TNC: variants seen among roughly 807,000 people sequenced by gnomAD.
TNC encodes the protein tenascin C, also known as tenascin.
Under a neutral mutation model 202.4 loss-of-function variants are expected in TNC, and 109 were observed. That is an observed-to-expected ratio of 0.54 (90% CI 0.46 to 0.63). The LOEUF (loss-of-function observed/expected upper bound fraction) is 0.63. Ranked by LOEUF, TNC falls within the 30% of genes least tolerant of loss-of-function variation. The probability of loss-of-function intolerance (pLI) is 0.00; values close to 1 mark genes in which losing one functional copy is unlikely to be tolerated. For synonymous variants in TNC, 1,007 were observed against 1,089.7 expected (o/e 0.92, Z 1.50); for missense variants, 2,756 against 2,833.3 (o/e 0.97, Z 0.62).
chr9:115,046,509 C>G lies in TNC; in HGVS notation c.5026G>C (p.Asp1676His), dbSNP rs991375057. 1.2e-6 allele frequency: 2 copies of G among 1,614,098 alleles called. No individual in the cohort carries two copies. The highest frequency in any genetic ancestry group is 1.7e-6 in the Non-Finnish European group (2 of 1,179,994). ...ITLLAPERTR[D>H]ITGLREATEY... ...GTAGCCTCTCTGAGACCTGTTATGT[C>G]CCTGGTACGTTCGGGGGCAAGTAGG... The change falls in exon 17 of 28, where the codon GAC becomes CAC. Residue 1676 changes from aspartate (D) to histidine (H), a missense_variant. Asp to His is a moderately conservative substitution (Grantham distance 81). Coordinates refer to ENST00000350763, the MANE Select transcript of TNC (RefSeq NM_002160.4).
chr9:115,024,940 T>C (rs188251857), intron 26 of TNC, among the ~76,000 whole-genome samples: 1 of 152,258 alleles, frequency 6.6e-6, no homozygotes, highest in Non-Finnish European at 1.5e-5. Flanking sequence ...CATTCTACCG[T>C]CATAATTTGG....
intron 1 of TNC, among the ~76,000 whole-genome samples, chr9:115,093,856 C>T (rs1319229286): frequency 6.6e-6 from 1 of 152,068 alleles, no homozygotes; most frequent in East Asian, 1.9e-4. Flanking sequence ...CCAAATGTTG[C>T]ATCGTTGGGG....
chr9:115,057,066 C>T (rs1832179437), intron 15 of TNC, 87 bp downstream of exon 15: 8 of 1,472,306 alleles, frequency 5.4e-6, no homozygotes, highest in African/African-American at 1.4e-5. Flanking sequence ...GTGGCTTGTA[C>T]ATCAATGGGA....
At chr9:115,059,293 T>C (rs1018849377) in intron 14 of TNC, among the ~76,000 whole-genome samples, 2 of 152,154 alleles carry the variant, frequency 1.3e-5, no homozygotes, top group South Asian at 2.1e-4. Context: ...CCTTGAGGGA[T>C]TTAGAGATAG....
intron 22 of TNC, 135 bp from the exon 23 acceptor site, chr9:115,031,820 A>C (rs960839922): frequency 1.9e-6 from 2 of 1,063,034 alleles, no homozygotes; most frequent in Non-Finnish European, 2.7e-6. Context: ...TTGAGTACCC[A>C]CTCTCTACCA....
intron 6 of TNC, among the ~76,000 whole-genome samples, chr9:115,078,689 G>C (rs1834069956): frequency 6.6e-6 from 1 of 152,090 alleles, no homozygotes; most frequent in Non-Finnish European, 1.5e-5. Context: ...GCAATAGACT[G>C]TCTTGACAGT....
chr9:115,106,693 C>T (rs916562189), intron 1 of TNC, among the ~76,000 whole-genome samples: 1 of 152,062 alleles, frequency 6.6e-6, no homozygotes, highest in South Asian at 2.1e-4. Context: ...GATGGGGGAG[C>T]TAAAAATCTA....
intron 1 of TNC, 130 bp from the exon 2 acceptor site, chr9:115,091,284 C>A (rs1047582860): frequency 2.2e-6 from 1 of 446,654 alleles, no homozygotes; most frequent in Admixed American, 3.8e-5. Flanking sequence ...TCATTATATA[C>A]CCTTGAAATA....
chr9:115,048,392 C>G lies in TNC; in HGVS notation c.4720G>C (p.Glu1574Gln), dbSNP rs374568464. ...VDSGKLLDPQEFTLSGTQRKL... is the reference protein window; with the variant it reads ...VDSGKLLDPQQFTLSGTQRKL... ...CTCTGGGTTCCTGAAAGTGTGAATT[C>G]CTGGGGGTCCAGCAGCTTCCCAGAA... Residue 1574 changes from glutamate to glutamine, a missense_variant, in exon 16 of 28, where the codon GAA becomes CAA. Glu to Gln is a conservative substitution (Grantham distance 29, BLOSUM62 2). Transcript: ENST00000350763. The G allele has an allele frequency of 9.9e-6, 16 of 1,613,926 alleles. No individual in the cohort carries two copies. The African/African-American group carries it at 1.7e-4, about 18-fold the overall frequency.
intron 1 of TNC, chr9:115,112,692 G>A (rs140843470): frequency 2.5e-4 from 38 of 152,344 alleles, no homozygotes; most frequent in African/African-American, 8.9e-4. Flanking sequence ...TCTCCTTTGG[G>A]GACTGTGCTA....
intron 7 of TNC, 33 bp from the exon 8 acceptor site, chr9:115,076,608 T>C: frequency 6.2e-7 from 1 of 1,608,732 alleles, no homozygotes; most frequent in Non-Finnish European, 8.5e-7. Context: ...GTATTGAACA[T>C]ATCAGTCACA....
In TNC at chr9:115,059,727, T is replaced by C; in HGVS notation, c.4306+3A>G. On this transcript the variant is annotated splice_donor_region_variant and intron_variant, in intron 14 of 27. Coordinates refer to ENST00000350763, the MANE Select transcript of TNC (RefSeq NM_002160.4). ...AGAAAGCATTGACAGGGAGAGGAAGTACCTGTGGAGGCCTCAGCAGAGAGT... is the reference window on the plus strand; with the variant it reads ...AGAAAGCATTGACAGGGAGAGGAAGCACCTGTGGAGGCCTCAGCAGAGAGT... The C allele has an allele frequency of 1.3e-6, 2 of 1,579,196 alleles. No homozygotes were observed. Among genetic ancestry groups the C allele is most frequent in the Non-Finnish European group, 1.7e-6 (2 of 1,161,464 alleles).
rs57327715 is a variant in TNC, at chr9:115,087,527, G to GGT, written c.458-256_458-255dup. On this transcript the variant is annotated intron_variant, in intron 2 of 27. Transcript: ENST00000350763. ...AAAACAGTGTGTGATTATGCATAGGGGTGTGTGTGTGTGTGTGTGTGTGTG... is the reference window on the plus strand; with the variant it reads ...AAAACAGTGTGTGATTATGCATAGGGGTGTGTGTGTGTGTGTGTGTGTGTGTG... 5.3e-3 allele frequency among the ~76,000 whole-genome samples: 784 copies of GGT among 148,808 alleles called. 1 individual carries two copies. Among genetic ancestry groups the GGT allele is most frequent in the African/African-American group, 0.012 (478 of 40,362 alleles).
chr9:115,055,843 T>G (rs28491824), intron 15 of TNC: 16,047 of 152,306 alleles, frequency 0.11, 914 homozygotes, highest in Middle Eastern at 0.17. Flanking sequence ...TCCATAAAGT[T>G]TTAGACTTTA....
chr9:115,110,466 T>C (rs951547799), intron 1 of TNC, among the ~76,000 whole-genome samples: 15 of 151,876 alleles, frequency 9.9e-5, no homozygotes, highest in African/African-American at 1.9e-4. Context: ...ATCTGTGAGA[T>C]GCTAAGATCT....
At position 115,073,769 on chromosome 9, in the gene TNC, G is replaced by A. The variant is rs1236113745; in HGVS notation, c.3048C>T (p.Arg1016=). 1 of 1,614,154 alleles carries A rather than the reference G, an allele frequency of 6.2e-7. No individual in the cohort carries two copies. Among genetic ancestry groups the A allele is most frequent in the South Asian group, 1.1e-5 (1 of 91,088 alleles). The change falls in exon 10 of 28, where the codon CGC becomes CGT. Residue 1016 remains arginine (R), a synonymous_variant. Transcript: ENST00000350763. ...GGCCTGTGGGGAGACTGTAATTGAG[G>A]CGGTAGCGGTCAAATTTGGCCAACG... ...KTPLAKFDRY[R]LNYSLPTGQW...
At chr9:115,036,333 A>G in intron 20 of TNC, 92 bp from the exon 21 acceptor site, 1 of 1,402,696 alleles carries the variant, frequency 7.1e-7, no homozygotes, top group South Asian at 1.3e-5. Flanking sequence ...TCCTTCGAAC[A>G]TCGAAACTTT....
intron 1 of TNC, among the ~76,000 whole-genome samples, chr9:115,108,455 G>A (rs1836781687): frequency 6.6e-6 from 1 of 152,118 alleles, no homozygotes; most frequent in South Asian, 2.1e-4. Flanking sequence ...ATTGCCTACA[G>A]AGCTCCTTCT....
intron 15 of TNC, 103 bp from the exon 16 acceptor site, chr9:115,048,635 C>A: frequency 8.4e-7 from 1 of 1,192,986 alleles, no homozygotes; most frequent in Admixed American, 2.6e-5. Flanking sequence ...GTCCATCATT[C>A]AATTTGTGTT....
Sources: gnomAD v4.1 joint callset for allele counts (sites outside exome capture counted in the v4.1 genomes callset) on GRCh38, gnomAD v4.1.1 for gene constraint, MANE v1.5 for transcripts, NCBI Gene and HGNC (gene_info 2026-07-23, HGNC 2026-07-21) for gene names.